The following DNAH8 variants were observed in gnomAD, a reference collection of about 807,000 sequenced individuals.
The protein encoded by DNAH8 is axonemal beta dynein heavy chain 8.
Under a neutral mutation model 562.1 loss-of-function variants are expected in DNAH8, and 382 were observed. The observed-to-expected ratio is 0.68, with a 90% confidence interval of 0.63 to 0.74. The LOEUF (loss-of-function observed/expected upper bound fraction) is 0.74. Among genes scored for constraint, DNAH8 ranks in the 30% least tolerant of loss-of-function variants. DNAH8 has a pLI of 0.00. For missense variants in DNAH8, 5,203 were observed against 5,620.4 expected, an observed-to-expected ratio of 0.93 and a Z score of 2.37; for synonymous variants, 1,881 against 1,919.4, an observed-to-expected ratio of 0.98 and a Z score of 0.52.
At chr6:38,734,762 TAAAA>T in intron 5 of DNAH8, 137 bp downstream of exon 5, 1 of 942,720 alleles carries the variant, frequency 1.1e-6, no homozygotes. Flanking sequence ...ATTCATATAT[TAAAA>T]AAAACTGAGA....
At chr6:38,918,808 G>A (rs1414189859) in intron 70 of DNAH8, among the ~76,000 whole-genome samples, 1 of 151,950 alleles carries the variant, frequency 6.6e-6, no homozygotes, top group Non-Finnish European at 1.5e-5. Context: ...CTGCCTCCAG[G>A]GCCCCATCCC....
intron 86 of DNAH8, among the ~76,000 whole-genome samples, chr6:38,983,977 A>C (rs1269988485): frequency 6.6e-6 from 1 of 152,212 alleles, no homozygotes; most frequent in East Asian, 1.9e-4. Context: ...ATATACGTGC[A>C]ATATACTTAC....
intron 80 of DNAH8, among the ~76,000 whole-genome samples, chr6:38,948,912 A>G (rs1436535933): frequency 6.6e-6 from 1 of 152,132 alleles, no homozygotes; most frequent in Non-Finnish European, 1.5e-5. Context: ...TTTGTCATCT[A>G]TCATTATTTT....
rs986045382 is a variant in DNAH8, at chr6:38,924,113, C to T, written c.10913C>T (p.Pro3638Leu). The change falls in exon 73 of 93, where the codon CCT (proline) becomes CTT (leucine). Residue 3638 changes from proline (P) to leucine (L), a missense_variant. Pro to Leu is a moderately conservative substitution (Grantham distance 98). Coordinates refer to ENST00000327475, the MANE Select transcript of DNAH8 (RefSeq NM_001206927.2). Reference sequence around the variant, plus strand: ...ATGGAGTTGAGAGCACGGAAAATTCCTTTCACAGAAAACCTGAATCTTATT... The same window carrying T: ...ATGGAGTTGAGAGCACGGAAAATTCTTTTCACAGAAAACCTGAATCTTATT... ...WEMELRARKIPFTENLNLISM... is the reference protein window; with the variant it reads ...WEMELRARKILFTENLNLISM... The T allele has an allele frequency of 6.2e-7, 1 of 1,613,988 alleles. No homozygotes were observed. The highest frequency in any genetic ancestry group is 2.2e-5 in the East Asian group (1 of 44,866).
intron 26 of DNAH8, among the ~76,000 whole-genome samples, chr6:38,816,101 G>T (rs1772246364): frequency 1.3e-5 from 2 of 150,780 alleles, no homozygotes; most frequent in South Asian, 2.1e-4. Flanking sequence ...TAGTTCTAGG[G>T]TACATGTGCA....
intron 1 of DNAH8, among the ~76,000 whole-genome samples, chr6:38,720,841 T>A (rs570313000): frequency 1.9e-5 from 2 of 107,518 alleles, no homozygotes; most frequent in African/African-American, 6.2e-5. Context: ...ATCTCCAAGA[T>A]AACACACAAA....
rs377315142 is a variant in DNAH8, at chr6:38,798,716, G to T, written c.2902-4463G>T. Among the ~76,000 whole-genome samples the T allele has an allele frequency of 2.0e-4, 30 of 152,344 alleles. No homozygotes were observed. In the South Asian group the frequency reaches 6.2e-3, roughly 32 times the overall value. On this transcript the variant is annotated intron_variant, in intron 21 of 92. Coordinates refer to ENST00000327475, the MANE Select transcript of DNAH8 (RefSeq NM_001206927.2). ...GCCCAATTCAGCAAGGATTAATGAA[G>T]TTTGTTTTGCACGTGTTCTTTGATC...
Position 38,917,961 on chromosome 6 carries a change from C to T in DNAH8, c.10345C>T (p.Gln3449Ter). 1 of 1,613,550 alleles carries T rather than the reference C, an allele frequency of 6.2e-7. No homozygotes were observed. The change falls in exon 70 of 93, where the codon CAG becomes TAG. Residue 3449 changes from glutamine to a stop codon, truncating the protein, a stop_gained. Transcript: ENST00000327475. LOFTEE classifies it high-confidence loss of function. ...AACAGGATTCCTGTGGAGCCTTCAG[C>T]AGTTCCCTAAGGACACTATAAATGA... Reference protein sequence around the residue: ...SATGFLWSLQQFPKDTINEET... With the variant: ...SATGFLWSLQ
At chr6:39,003,193 T>A (rs548637612) in intron 88 of DNAH8, among the ~76,000 whole-genome samples, 1 of 152,318 alleles carries the variant, frequency 6.6e-6, no homozygotes, top group East Asian at 1.9e-4. Context: ...GCTGTGGAAC[T>A]GACACCAGGG....
chr6:38,845,374 G>A (rs1043615194), intron 35 of DNAH8, among the ~76,000 whole-genome samples, 200 bp from the exon 36 acceptor site: 8 of 152,024 alleles, frequency 5.3e-5, no homozygotes, highest in South Asian at 2.1e-4. Flanking sequence ...ATTAGTAGTC[G>A]GCGATTAGTA....
At chr6:38,890,852 A>C in intron 58 of DNAH8, 91 bp downstream of exon 58, 5 of 866,434 alleles carry the variant, frequency 5.8e-6, no homozygotes, top group East Asian at 2.5e-5. Context: ...TCATAATATC[A>C]TATATAGTGG....
intron 89 of DNAH8, 59 bp downstream of exon 89, chr6:39,009,029 T>A (rs895067711): frequency 5.6e-6 from 7 of 1,258,502 alleles, no homozygotes; most frequent in Non-Finnish European, 6.7e-6. Context: ...AAACAGTAAG[T>A]TTGATTACCT....
rs746798789 is a variant in DNAH8, at chr6:39,012,341, A to G, written c.13498A>G (p.Ile4500Val). Reference protein sequence around the residue: ...RSSLSDLKLAIEGTIIMSENL... With the variant: ...RSSLSDLKLAVEGTIIMSENL... ...TAGCCTGAGTGATCTAAAATTGGCC[A>G]TTGAAGGAACAATCATTATGAGTGA... Residue 4500 changes from isoleucine (I) to valine (V), a missense_variant, in exon 90 of 93, where the codon ATT (isoleucine) becomes GTT (valine). Transcript: ENST00000327475. 1.7e-5 allele frequency: 28 copies of G among 1,612,966 alleles called. No homozygotes were observed. The South Asian group carries it at 2.7e-4, about 16-fold the overall frequency.
intron 8 of DNAH8, chr6:38,744,459 T>G (rs967142068): frequency 1.3e-5 from 2 of 152,198 alleles, no homozygotes; most frequent in Non-Finnish European, 2.9e-5. Context: ...TTTTGTTCTT[T>G]CCTTGTTAGT....
At position 38,780,039 on chromosome 6, in the gene DNAH8, G is replaced by A; in HGVS notation, c.2113G>A (p.Val705Met). 1.2e-6 allele frequency: 2 copies of A among 1,614,016 alleles called. No individual in the cohort carries two copies. The highest frequency in any genetic ancestry group is 1.7e-6 in the Non-Finnish European group (2 of 1,179,960). ...HTIERILQYY[V>M]AELDATKKLY... Reference sequence around the variant, plus strand: ...AATAGAGCGTATTCTTCAGTACTATGTGGCTGAACTTGATGCTACTAAGAA... The same window carrying A: ...AATAGAGCGTATTCTTCAGTACTATATGGCTGAACTTGATGCTACTAAGAA... The change falls in exon 15 of 93, where the codon GTG becomes ATG. Residue 705 changes from valine (V) to methionine (M), a missense_variant. Physicochemically the swap from Val to Met is conservative, Grantham distance 21. Coordinates refer to ENST00000327475, the MANE Select transcript of DNAH8 (RefSeq NM_001206927.2).
Position 38,734,333 on chromosome 6 carries a change from C to CG in DNAH8, c.611-141_611-140insG, listed in dbSNP as rs1562585445. 4.2e-5 allele frequency: 34 copies of CG among 815,304 alleles called. 6 individuals are homozygous for CG. The highest frequency in any genetic ancestry group is 5.6e-5 in the East Asian group (1 of 17,924). The allele number at this position is 815,304 out of a possible 1,614,324, so 50.5% of individuals were successfully genotyped here. On this transcript the variant is annotated intron_variant, in intron 4 of 92. Coordinates refer to ENST00000327475, the MANE Select transcript of DNAH8 (RefSeq NM_001206927.2). ...ATTGGCATCTTCTAGTAGACCCCCC[C>CG]CCAAAAAAATTATTCTATGACCGTA... is the stretch of plus-strand genomic sequence containing the variant.
In DNAH8 at chr6:38,923,038, T is replaced by A; in HGVS notation, c.10663-20T>A. On this transcript the variant is annotated intron_variant, in intron 71 of 92. Transcript: ENST00000327475. ...GCACTTAGAAAAGTTTTTTGAGACA[T>A]TCTCCCATTATGGCTGCAGGATTTG... The A allele has an allele frequency of 3.7e-6, 6 of 1,602,196 alleles. No homozygotes were observed. Among genetic ancestry groups the A allele is most frequent in the Non-Finnish European group, 5.1e-6 (6 of 1,175,874 alleles).
chr6:38,875,738 T>G lies in DNAH8; in HGVS notation c.7768T>G (p.Phe2590Val). 2 of 1,614,022 alleles carry G rather than the reference T, an allele frequency of 1.2e-6. No individual in the cohort carries two copies. Among genetic ancestry groups the G allele is most frequent in the Non-Finnish European group, 8.5e-7 (1 of 1,179,948 alleles). Residue 2590 changes from phenylalanine to valine, a missense_variant, in exon 53 of 93, where the codon TTC becomes GTC. This residue lies in a region of DNAH8 where 977 missense variants were observed against 1,061.8 expected (regional missense o/e 0.92). Coordinates refer to ENST00000327475, the MANE Select transcript of DNAH8 (RefSeq NM_001206927.2). ...ELESREKLEA[F>V]LRQHESKLDL... The stretch of plus-strand genomic sequence containing the variant: ...AGAAAGCAGAGAAAAGCTTGAAGCC[T>G]TCTTACGGCAGCATGAAAGCAAGTT...
rs528087885 is a variant in DNAH8 at position 38,965,013 on chromosome 6, G to A, written c.12452-6579G>A. Among the ~76,000 whole-genome samples, 6 of 151,940 alleles carry A rather than the reference G, an allele frequency of 3.9e-5. No individual in the cohort carries two copies. In the East Asian group the frequency reaches 7.7e-4, roughly 20 times the overall value. On this transcript the variant is annotated intron_variant, in intron 82 of 92. Coordinates refer to ENST00000327475, the MANE Select transcript of DNAH8 (RefSeq NM_001206927.2). The stretch of plus-strand genomic sequence containing the variant: ...CTGGAGGTGGAGGTTGCAGTGAGTC[G>A]AGATTGTGCCACTGCACTCCAGCCT...
Sources: allele counts gnomAD v4.1 joint callset (sites outside exome capture counted in the v4.1 genomes callset), GRCh38; gene constraint gnomAD v4.1.1; regional missense constraint gnomAD v4.1.1; transcripts MANE v1.5; gene names NCBI Gene and HGNC (gene_info 2026-07-23, HGNC 2026-07-21).